The following NEB variants were observed in gnomAD, a reference collection of about 807,000 sequenced individuals.
NEB encodes the protein nebulin, also known as nemaline myopathy type 2.
A neutral mutation model predicts 952.2 loss-of-function variants in NEB; 512 were observed. The ratio of observed to expected loss-of-function variants is 0.54; its 90% CI spans 0.50 to 0.58. The LOEUF (loss-of-function observed/expected upper bound fraction) is 0.58, where lower values mean the gene tolerates loss of function less well. Ranked by LOEUF, NEB falls within the 20% of genes least tolerant of loss-of-function variation. The pLI, the probability that NEB is intolerant of heterozygous loss-of-function variation, is 0.00. For synonymous variants in NEB, 2,900 were observed against 3,149.8 expected, an observed-to-expected ratio of 0.92 and a Z score of 2.66; for missense variants, 8,428 against 9,231.1, an observed-to-expected ratio of 0.91 and a Z score of 3.56.
chr2:151,680,898 A>G, intron 29 of NEB, 70 bp from the exon 30 acceptor site: 2 of 1,237,542 alleles, frequency 1.6e-6, no homozygotes, highest in Non-Finnish European at 2.4e-6. Context: ...AAAATCCTTG[A>G]AATTTATTTT....
chr2:151,636,112 C>A, intron 64 of NEB, 115 bp downstream of exon 64: 1 of 902,582 alleles, frequency 1.1e-6, no homozygotes, highest in Non-Finnish European at 1.7e-6. Context: ...AAATCCTACA[C>A]AAATATATCA....
chr2:151,492,334 T>C, intron 177 of NEB, 53 bp from the exon 178 acceptor site: 1 of 1,589,742 alleles, frequency 6.3e-7, no homozygotes, highest in Non-Finnish European at 8.6e-7. Flanking sequence ...ACTATATCCC[T>C]TTTTACACAT....
Position 151,534,251 on chromosome 2 carries a change from A to G in NEB, c.21313-705T>C. ...GGTCGCCTGCGGTCTTAGCCAGCAG[A>G]TGTCTAGGCTCATCGACTACCAGGT... On this transcript the variant is annotated intron_variant, in intron 142 of 181. Coordinates refer to ENST00000397345, the MANE Select transcript of NEB (RefSeq NM_001164508.2). The G allele has an allele frequency of 6.2e-7, 1 of 1,613,670 alleles. No individual in the cohort carries two copies. Among genetic ancestry groups the G allele is most frequent in the South Asian group, 1.1e-5 (1 of 91,070 alleles).
At chr2:151,629,503 T>C (rs1302656505) in intron 68 of NEB, 36 bp downstream of exon 68, 3 of 1,515,366 alleles carry the variant, frequency 2.0e-6, no homozygotes, top group South Asian at 1.1e-5. Context: ...CCCCACTTCA[T>C]CCATCCATGT....
In NEB at chr2:151,643,254, T is replaced by C. The variant is rs1236227906; in HGVS notation, c.8056A>G (p.Ser2686Gly). The change falls in exon 58 of 182, where the codon AGT becomes GGT. Residue 2686 changes from serine to glycine, a missense_variant. Physicochemically the swap from Ser to Gly is moderately conservative, Grantham distance 56. Coordinates refer to ENST00000397345, the MANE Select transcript of NEB (RefSeq NM_001164508.2). ...EKNKRATQIL[S>G]DHVYRQHPDQ... ...GGGTGCTGACGGTAAACATGGTCAC[T>C]CAAAATCTGGGTGGCTCGTTTATTT... 1.2e-6 allele frequency: 2 copies of C among 1,613,870 alleles called. No homozygotes were observed. Among genetic ancestry groups the C allele is most frequent in the Non-Finnish European group, 1.7e-6 (2 of 1,179,786 alleles).
chr2:151,691,150 T>A (rs991071932), intron 23 of NEB, among the ~76,000 whole-genome samples: 2 of 151,988 alleles, frequency 1.3e-5, no homozygotes, highest in Non-Finnish European at 1.5e-5. Flanking sequence ...ACAGAATCCA[T>A]CCCCTCCTTC....
At position 151,670,436 on chromosome 2, in the gene NEB, T is replaced by C. The variant is rs970707136; in HGVS notation, c.4506+587A>G. On this transcript the variant is annotated intron_variant, in intron 38 of 181. Transcript: ENST00000397345. ...GAAAGAATAAGAGTCCATACAGACG[T>C]GTCTCAGAATGAGACATACAGACGT... is the stretch of plus-strand genomic sequence containing the variant. Among the ~76,000 whole-genome samples the C allele has an allele frequency of 3.8e-5, 4 of 105,294 alleles. No homozygotes were observed. In the East Asian group the frequency reaches 2.4e-3, roughly 62 times the overall value. 69.1% of individuals were successfully genotyped at this position (105,294 alleles called of 152,430 possible). A position where few individuals can be genotyped will look rare whatever the true frequency, so the allele number is the denominator to read the frequency against.
intron 105 of NEB, among the ~76,000 whole-genome samples, 152 bp from the exon 106 acceptor site, chr2:151,576,506 ATATATATATATTTTTTTTTTTTTTTTT>A (rs1243513326): frequency 1.8e-3 from 79 of 43,540 alleles, no homozygotes; most frequent in Admixed American, 3.7e-3. Context: ...ATATATATAT[ATATATATATATTTTTTTTTTTTTTTTT>A]TTTTTTTTTT....
In NEB at chr2:151,688,325, G is replaced by T. The variant is rs532547534; in HGVS notation, c.2382C>A (p.Ile794=). ...CHIPADAPQF[I]QHRVNAYNLS... Reference sequence around the variant, plus strand: ...GATTATAGGCATTGACTCTGTGTTGGATAAACTGTGGAGCATCTGCTGGTA... The same window carrying T: ...GATTATAGGCATTGACTCTGTGTTGTATAAACTGTGGAGCATCTGCTGGTA... The change falls in exon 25 of 182, where the codon ATC becomes ATA. Residue 794 remains isoleucine (I), a synonymous_variant. Transcript: ENST00000397345. 1 of 1,613,776 alleles carries T rather than the reference G, an allele frequency of 6.2e-7. No individual in the cohort carries two copies. Among genetic ancestry groups the T allele is most frequent in the Admixed American group, 1.7e-5 (1 of 60,002 alleles).
intron 11 of NEB, 33 bp downstream of exon 11, chr2:151,710,401 G>T: frequency 6.7e-7 from 1 of 1,493,632 alleles, no homozygotes; most frequent in Admixed American, 1.7e-5. Context: ...CTCCCTCCCA[G>T]GATGACCAAC....
At chr2:151,566,777 C>T (rs1293784574) in intron 114 of NEB, among the ~76,000 whole-genome samples, 1 of 152,196 alleles carries the variant, frequency 6.6e-6, no homozygotes, top group Non-Finnish European at 1.5e-5. Flanking sequence ...AGGAATAGGG[C>T]ATGCTTAGGT....
At chr2:151,619,196 C>T (rs182739836) in intron 73 of NEB, among the ~76,000 whole-genome samples, 1 of 152,282 alleles carries the variant, frequency 6.6e-6, no homozygotes, top group East Asian at 1.9e-4. Flanking sequence ...CTGATTCAAA[C>T]AAAGGAAGCC....
At position 151,620,991 on chromosome 2, in the gene NEB, T is replaced by C. The variant is rs2154027847; in HGVS notation, c.10488A>G (p.Lys3496=). Residue 3496 remains lysine, a synonymous_variant, in exon 72 of 182, where the codon AAA becomes AAG. Coordinates refer to ENST00000397345, the MANE Select transcript of NEB (RefSeq NM_001164508.2). ...CATCACTTCTCAAGTCATAGCCTTCTTTCTTGGCTTCTTCCATGGCCTGAC... is the reference window on the plus strand; with the variant it reads ...CATCACTTCTCAAGTCATAGCCTTCCTTCTTGGCTTCTTCCATGGCCTGAC... ...LYRQAMEEAK[K]EGYDLRSDAI... is the part of the protein sequence containing the mutation. The C allele has an allele frequency of 6.2e-7, 1 of 1,612,550 alleles. No homozygotes were observed. The highest frequency in any genetic ancestry group is 8.5e-7 in the Non-Finnish European group (1 of 1,179,304).
At chr2:151,665,136 G>T (rs1575567214) in intron 42 of NEB, among the ~76,000 whole-genome samples, 197 bp downstream of exon 42, 1 of 152,112 alleles carries the variant, frequency 6.6e-6, no homozygotes, top group Non-Finnish European at 1.5e-5. Context: ...TTCTTAACAT[G>T]CTGTTGAGAG....
At chr2:151,619,179 G>A (rs577300387) in intron 73 of NEB, among the ~76,000 whole-genome samples, 1 of 152,260 alleles carries the variant, frequency 6.6e-6, no homozygotes, top group Non-Finnish European at 1.5e-5. Context: ...TAAGGGCTAA[G>A]TTTCATCTGA....
chr2:151,521,490 T>C (rs1036225191), intron 153 of NEB, among the ~76,000 whole-genome samples: 20 of 152,304 alleles, frequency 1.3e-4, no homozygotes, highest in African/African-American at 2.9e-4. Flanking sequence ...CTAAGAGATA[T>C]AGAAGTCCAT....
Position 151,612,349 on chromosome 2 carries a change from C to T in NEB, c.11642G>A (p.Gly3881Glu). Residue 3881 changes from glycine to glutamate, a missense_variant, in exon 78 of 182, where the codon GGA becomes GAA. Transcript: ENST00000397345. Reference sequence around the variant, plus strand: ...CTCTACAGAGCCAATGGGAACCCATCCTATGCCTCTCAGCCACTCAAGATC... The same window carrying T: ...CTCTACAGAGCCAATGGGAACCCATTCTATGCCTCTCAGCCACTCAAGATC... ...KSDLEWLRGI[G>E]WVPIGSVEVE... 1 of 1,613,856 alleles carries T rather than the reference C, an allele frequency of 6.2e-7. No homozygotes were observed. Among genetic ancestry groups the T allele is most frequent in the Non-Finnish European group, 8.5e-7 (1 of 1,179,820 alleles).
chr2:151,704,830 C>A (rs533636180), intron 13 of NEB, among the ~76,000 whole-genome samples: 5 of 152,204 alleles, frequency 3.3e-5, no homozygotes, highest in Non-Finnish European at 5.9e-5. Flanking sequence ...CTGCGTCGCT[C>A]GCTCACGCTG....
intron 168 of NEB, among the ~76,000 whole-genome samples, chr2:151,500,764 A>AT (rs1170308499): frequency 6.6e-6 from 1 of 151,594 alleles, no homozygotes; most frequent in Non-Finnish European, 1.5e-5. Context: ...CGCTTGGCTA[A>AT]TTTTTTCTAT....
Sources: allele counts gnomAD v4.1 joint callset (sites outside exome capture counted in the v4.1 genomes callset), GRCh38; gene constraint gnomAD v4.1.1; transcripts MANE v1.5; gene names NCBI Gene and HGNC (gene_info 2026-07-23, HGNC 2026-07-21).